The following PDE4B variants were observed in gnomAD, a reference collection of about 807,000 sequenced individuals.
PDE4B encodes phosphodiesterase 4B.
PDE4B carries 20 observed loss-of-function variants against 82.2 expected under a neutral mutation model. That is an observed-to-expected ratio of 0.24 (90% confidence interval 0.17 to 0.35). The LOEUF (loss-of-function observed/expected upper bound fraction) is 0.35. Among genes scored for constraint, PDE4B ranks in the 10% least tolerant of loss-of-function variants. PDE4B has a pLI of 1.00. For synonymous variants in PDE4B, 320 were observed against 318.9 expected (o/e 1.00, Z -0.04); for missense variants, 655 against 907.2 (o/e 0.72, Z 3.57).
chr1:66,236,667 C>T (rs1209617553), intron 3 of PDE4B, among the ~76,000 whole-genome samples: 2 of 151,884 alleles, frequency 1.3e-5, no homozygotes, highest in Admixed American at 6.6e-5. Flanking sequence ...AAATACAAAA[C>T]GATGATGCAG....
intron 4 of PDE4B, among the ~76,000 whole-genome samples, chr1:66,251,194 A>G (rs1653746124): frequency 6.6e-6 from 1 of 152,192 alleles, no homozygotes; most frequent in African/African-American, 2.4e-5. Flanking sequence ...TCTGTATGCT[A>G]TCTGTTAAAA....
chr1:65,934,118 C>T (rs1045313214), intron 3 of PDE4B, among the ~76,000 whole-genome samples: 2 of 151,636 alleles, frequency 1.3e-5, no homozygotes, highest in Admixed American at 6.6e-5. Flanking sequence ...ATAGAAGATA[C>T]AAAAAAGGAA....
intron 3 of PDE4B, among the ~76,000 whole-genome samples, chr1:66,224,720 A>T (rs751736307): frequency 3.3e-5 from 5 of 152,098 alleles, no homozygotes; most frequent in South Asian, 2.1e-4. Context: ...TCTGCCTCAA[A>T]AATAATAATA....
intron 3 of PDE4B, among the ~76,000 whole-genome samples, chr1:66,120,171 T>G (rs970624404): frequency 1.5e-4 from 23 of 152,208 alleles, no homozygotes; most frequent in African/African-American, 5.5e-4. Flanking sequence ...GTCAGCTCCT[T>G]GTTTCCAAAA....
intron 3 of PDE4B, among the ~76,000 whole-genome samples, chr1:66,217,021 C>T (rs548183221): frequency 4.4e-4 from 67 of 152,136 alleles, no homozygotes; most frequent in Non-Finnish European, 8.8e-4. Context: ...TCTCTTCTTA[C>T]ATCATCATGT....
chr1:65,846,914 G>A (rs1348692137), intron 1 of PDE4B, among the ~76,000 whole-genome samples: 1 of 152,160 alleles, frequency 6.6e-6, no homozygotes, highest in Non-Finnish European at 1.5e-5. Context: ...GGGAAAAACA[G>A]TACATTCTTT....
chr1:65,854,866 A>C (rs1302341102), intron 1 of PDE4B, among the ~76,000 whole-genome samples: 2 of 151,616 alleles, frequency 1.3e-5, no homozygotes, highest in East Asian at 3.9e-4. Context: ...CAGGTCATTG[A>C]GTTTTTGTTT....
At chr1:65,885,207 A>G (rs1191572523) in intron 1 of PDE4B, among the ~76,000 whole-genome samples, 4 of 152,168 alleles carry the variant, frequency 2.6e-5, no homozygotes, top group African/African-American at 9.6e-5. Context: ...AAAGTCAGGA[A>G]ACAACAGGTG....
intron 3 of PDE4B, among the ~76,000 whole-genome samples, chr1:66,222,939 A>G (rs1490452509): frequency 6.6e-6 from 1 of 152,228 alleles, no homozygotes; most frequent in African/African-American, 2.4e-5. Flanking sequence ...GTAAATGAAT[A>G]ATAAAAGATA....
At chr1:65,811,959 CCAAA>C (rs1473841372) in intron 1 of PDE4B, among the ~76,000 whole-genome samples, 1 of 151,660 alleles carries the variant, frequency 6.6e-6, no homozygotes, top group Admixed American at 6.6e-5. Context: ...AAAAGTAAAG[CCAAA>C]CAAACAAACC....
rs200854845 is a variant in PDE4B, at chr1:66,372,622, C to T, written c.2155C>T (p.Leu719=). 6.8e-5 allele frequency: 109 copies of T among 1,614,084 alleles called. No homozygotes were observed. In the East Asian group the frequency reaches 2.4e-3, roughly 36 times the overall value. ...CVIDPENRDS[L]GETDIDIATE... is the part of the protein sequence containing the mutation. ...GATTGATCCAGAAAACAGAGATTCC[C>T]TGGGAGAGACTGACATAGACATTGC... The change falls in exon 17 of 17, where the codon CTG becomes TTG. Residue 719 remains leucine, a synonymous_variant. Transcript: ENST00000341517.
At chr1:66,119,483 C>T (rs1296326363) in intron 3 of PDE4B, among the ~76,000 whole-genome samples, 1 of 123,184 alleles carries the variant, frequency 8.1e-6, no homozygotes, top group African/African-American at 3.2e-5. Flanking sequence ...TGCGTGTATT[C>T]ACTTCCCAGG....
At chr1:66,121,829 G>A (rs989395515) in intron 3 of PDE4B, among the ~76,000 whole-genome samples, 1 of 152,164 alleles carries the variant, frequency 6.6e-6, no homozygotes, top group African/African-American at 2.4e-5. Context: ...CTTATTAGCT[G>A]TTCATTGAGA....
chr1:66,266,618 G>GT, intron 7 of PDE4B: 1 of 456,526 alleles, frequency 2.2e-6, no homozygotes, highest in Non-Finnish European at 4.5e-6. Context: ...CCTCAACGGT[G>GT]TTTTGTTTTG....
intron 3 of PDE4B, among the ~76,000 whole-genome samples, chr1:65,977,067 A>G (rs913161203): frequency 2.0e-5 from 3 of 152,152 alleles, no homozygotes; most frequent in African/African-American, 7.2e-5. Context: ...AGCCCTGTAA[A>G]TCTATTTTTA....
chr1:66,200,037 A>G (rs512309), intron 3 of PDE4B, among the ~76,000 whole-genome samples: 70,784 of 151,798 alleles, frequency 0.47, 16,670 homozygotes, highest in African/African-American at 0.53. Flanking sequence ...GTGTAAGGAA[A>G]GGATCCAGTT....
At chr1:65,842,588 T>A (rs150291745) in intron 1 of PDE4B, among the ~76,000 whole-genome samples, 1 of 152,276 alleles carries the variant, frequency 6.6e-6, no homozygotes, top group African/African-American at 2.4e-5. Context: ...TTAAGTCCTA[T>A]AATGTTCATC....
At chr1:65,831,520 G>T (rs1487537530) in intron 1 of PDE4B, among the ~76,000 whole-genome samples, 1 of 152,086 alleles carries the variant, frequency 6.6e-6, no homozygotes, top group Admixed American at 6.6e-5. Flanking sequence ...TAAGTAAATT[G>T]AATTTTTAGT....
At chr1:66,144,852 G>A (rs1481839797) in intron 3 of PDE4B, among the ~76,000 whole-genome samples, 2 of 152,162 alleles carry the variant, frequency 1.3e-5, no homozygotes, top group African/African-American at 4.8e-5. Flanking sequence ...TAACTGGAGA[G>A]GTATTCTCTT....
Sources: gnomAD v4.1 joint callset for allele counts (sites outside exome capture counted in the v4.1 genomes callset) on GRCh38, gnomAD v4.1.1 for gene constraint, MANE v1.5 for transcripts, NCBI Gene and HGNC (gene_info 2026-07-23, HGNC 2026-07-21) for gene names.